RELN: variants seen among roughly 807,000 people sequenced by gnomAD.
The protein encoded by RELN is reelin.
In RELN, 108 loss-of-function variants were observed where a neutral mutation model predicts 427.6. The observed-to-expected ratio is 0.25, with a 90% CI of 0.22 to 0.30. The LOEUF is 0.30. Among genes scored for constraint, RELN ranks in the 10% least tolerant of loss-of-function variants. The pLI, the probability that RELN is intolerant of heterozygous loss-of-function variation, is 1.00. For missense variants in RELN, 3,715 were observed against 4,302.8 expected, an observed-to-expected ratio of 0.86 and a Z score of 3.82; for synonymous variants, 1,524 against 1,513.4, an observed-to-expected ratio of 1.01 and a Z score of -0.16.
Position 103,978,578 on chromosome 7 carries a change from C to T in RELN, c.226+10553G>A, listed in dbSNP as rs144910062. Among the ~76,000 whole-genome samples the T allele has an allele frequency of 1.6e-4, 24 of 152,226 alleles. 1 individual carries two copies. Among genetic ancestry groups the T allele is most frequent in the African/African-American group, 2.6e-4 (11 of 41,534 alleles). On this transcript the variant is annotated intron_variant, in intron 1 of 64. Transcript: ENST00000428762. ...CTAGATGGTACAGGACAAACTTGTT[C>T]GGATGAGCAAAAATCACTAAGCAAT...
rs781067207 is a variant in RELN at position 103,515,254 on chromosome 7, G to A, written c.8050C>T (p.Arg2684Cys). Reference protein sequence around the residue: ...FSSAPVPQHERSPADAGPVGR... With the variant: ...FSSAPVPQHECSPADAGPVGR... ...ACAGGGCCGGCATCTGCAGGGGAGC[G>A]CTCATGCTGGGGTACTGGGGCGCTG... is the stretch of plus-strand genomic sequence containing the variant. Residue 2684 changes from arginine to cysteine, a missense_variant, in exon 50 of 65, where the codon CGC becomes TGC. By Grantham distance (180) the Arg-to-Cys change is radical. Around this residue, in one of 4 missense-constraint regions of RELN, gnomAD observed 1,310 missense variants for 1,643.0 expected, o/e 0.80. Transcript: ENST00000428762. 1 of 1,614,160 alleles carries A rather than the reference G, an allele frequency of 6.2e-7. No individual in the cohort carries two copies. The highest frequency in any genetic ancestry group is 8.5e-7 in the Non-Finnish European group (1 of 1,180,034).
intron 1 of RELN, among the ~76,000 whole-genome samples, chr7:103,945,232 T>C (rs774046737): frequency 2.0e-5 from 3 of 152,032 alleles, no homozygotes; most frequent in African/African-American, 7.2e-5. Flanking sequence ...TTTGACAAAA[T>C]TGACAAAATT....
chr7:103,549,516 C>T (rs1347711445), intron 41 of RELN, among the ~76,000 whole-genome samples: 2 of 152,172 alleles, frequency 1.3e-5, no homozygotes, highest in Non-Finnish European at 2.9e-5. Context: ...CTATCTAGGC[C>T]TTTCCCCTTG....
Position 103,827,731 on chromosome 7 carries a change from CT to C in RELN, c.473+5805del, listed in dbSNP as rs1214106864. Among the ~76,000 whole-genome samples the C allele has an allele frequency of 3.3e-5, 5 of 151,866 alleles. No homozygotes were observed. In the East Asian group the frequency reaches 9.7e-4, roughly 29 times the overall value. On this transcript the variant is annotated intron_variant, in intron 3 of 64. Coordinates refer to ENST00000428762, the MANE Select transcript of RELN (RefSeq NM_005045.4). ...GACAATATTTCTTTTATCTTGTCAT[CT>C]AGAGGTATATTTTTGAGCAGCACTG...
intron 6 of RELN, among the ~76,000 whole-genome samples, chr7:103,739,179 A>C (rs1296278085): frequency 6.6e-6 from 1 of 152,244 alleles, no homozygotes; most frequent in Non-Finnish European, 1.5e-5. Flanking sequence ...TTTTTCAAAA[A>C]AATCAAGAAT....
intron 1 of RELN, among the ~76,000 whole-genome samples, chr7:103,959,830 G>C (rs1796510589): frequency 6.6e-6 from 1 of 151,768 alleles, no homozygotes; most frequent in Non-Finnish European, 1.5e-5. Context: ...CAACTCCAAG[G>C]CTCAAGCGAT....
At chr7:103,525,017 C>G (rs530700541) in intron 46 of RELN, among the ~76,000 whole-genome samples, 1 of 152,140 alleles carries the variant, frequency 6.6e-6, no homozygotes, top group Non-Finnish European at 1.5e-5. Flanking sequence ...CATGGTCACT[C>G]GCCTCTGGAG....
intron 1 of RELN, among the ~76,000 whole-genome samples, chr7:103,956,200 A>G (rs1221922317): frequency 6.6e-6 from 1 of 152,188 alleles, no homozygotes; most frequent in Admixed American, 6.5e-5. Flanking sequence ...ACTAGGGCAC[A>G]TTCAAAGGTT....
intron 45 of RELN, among the ~76,000 whole-genome samples, chr7:103,536,152 G>A (rs1429520962): frequency 1.3e-5 from 2 of 152,090 alleles, no homozygotes; most frequent in Admixed American, 1.3e-4. Flanking sequence ...TTGCTCTGCT[G>A]TGTTATAGAA....
chr7:103,783,885 A>G (rs866764145), intron 3 of RELN, among the ~76,000 whole-genome samples: 2 of 152,200 alleles, frequency 1.3e-5, no homozygotes, highest in Non-Finnish European at 2.9e-5. Flanking sequence ...TGTTTTACTT[A>G]AAGTGTTTTT....
At chr7:103,831,696 C>A (rs982654847) in intron 3 of RELN, among the ~76,000 whole-genome samples, 27 of 152,072 alleles carry the variant, frequency 1.8e-4, no homozygotes, top group East Asian at 9.6e-4. Flanking sequence ...GTGGGAAGGC[C>A]TGCCAGTTCA....
At chr7:103,497,569 G>T (rs1009848103) in intron 55 of RELN, among the ~76,000 whole-genome samples, 1 of 152,188 alleles carries the variant, frequency 6.6e-6, no homozygotes, top group Non-Finnish European at 1.5e-5. Flanking sequence ...CTTCAGTAAA[G>T]CGTAGAGGTT....
At chr7:103,941,848 A>C (rs1281151042) in intron 1 of RELN, among the ~76,000 whole-genome samples, 1 of 152,108 alleles carries the variant, frequency 6.6e-6, no homozygotes. Flanking sequence ...TCCGCAGAAC[A>C]CTAGACCACT....
intron 60 of RELN, among the ~76,000 whole-genome samples, chr7:103,488,410 TTG>T (rs1460487854): frequency 6.6e-6 from 1 of 152,204 alleles, no homozygotes; most frequent in Non-Finnish European, 1.5e-5. Context: ...ATTCACTCAT[TTG>T]ACTAGAGTTA....
chr7:103,979,379 G>A (rs569686972), intron 1 of RELN, among the ~76,000 whole-genome samples: 6 of 152,330 alleles, frequency 3.9e-5, no homozygotes. Flanking sequence ...CTCCTAGCCT[G>A]GTTGCCATAA....
At chr7:103,522,853 C>CACACACACACACACACA (rs1189048440) in intron 47 of RELN, among the ~76,000 whole-genome samples, 1 of 22,096 alleles carries the variant, frequency 4.5e-5, no homozygotes, top group Non-Finnish European at 1.1e-4. Flanking sequence ...ACACACACAC[C>CACACACACACACACACA]CCCACACCTT....
At position 103,574,159 on chromosome 7, in the gene RELN, A is replaced by T; in HGVS notation, c.4444T>A (p.Ser1482Thr). 1.2e-6 allele frequency: 2 copies of T among 1,614,088 alleles called. No homozygotes were observed. Among genetic ancestry groups the T allele is most frequent in the Non-Finnish European group, 1.7e-6 (2 of 1,180,004 alleles). ...TGCGTLNDGK[S>T]LYFNGPGKRE... Reference sequence around the variant, plus strand: ...TTCCCAGGGCCATTGAAGTAGAGAGATTTGCCATCGTTAAGTGTTCCACAG... The same window carrying T: ...TTCCCAGGGCCATTGAAGTAGAGAGTTTTGCCATCGTTAAGTGTTCCACAG... The change falls in exon 30 of 65, where the codon TCT becomes ACT. Residue 1482 changes from serine (S) to threonine (T), a missense_variant. By Grantham distance (58) the Ser-to-Thr change is moderately conservative (BLOSUM62 1). Transcript: ENST00000428762.
Position 103,536,877 on chromosome 7 carries a change from C to T in RELN, c.7181-1393G>A, listed in dbSNP as rs766954100. ...AGAGTTGTGTCTACGGAGCCTGGCA[C>T]GTGCTGGATGCTGGGTGCGCTGTGA... On this transcript the variant is annotated intron_variant, in intron 45 of 64. Transcript: ENST00000428762. Among the ~76,000 whole-genome samples the T allele has an allele frequency of 9.2e-5, 14 of 152,268 alleles. 1 individual carries two copies. The East Asian group carries it at 1.2e-3, about 13-fold the overall frequency.
At chr7:103,915,646 T>A (rs1432900193) in intron 2 of RELN, among the ~76,000 whole-genome samples, 1 of 151,554 alleles carries the variant, frequency 6.6e-6, no homozygotes, top group African/African-American at 2.4e-5. Flanking sequence ...CTTTAAAAAA[T>A]CACCAATGCT....
Sources: gnomAD v4.1 joint callset for allele counts (sites outside exome capture counted in the v4.1 genomes callset) on GRCh38, gnomAD v4.1.1 for gene constraint, gnomAD v4.1.1 regional missense constraint, MANE v1.5 for transcripts, NCBI Gene and HGNC (gene_info 2026-07-23, HGNC 2026-07-21) for gene names.